Variants in C19orf25 observed in about 807,000 individuals in gnomAD.
C19orf25 encodes the protein chromosome 19 open reading frame 25, also known as UPF0449 protein C19orf25.
Under a neutral mutation model 3.1 loss-of-function variants are expected in C19orf25, and 1 was observed. The observed-to-expected ratio is 0.32, with a 90% CI of 0.12 to 1.54. The LOEUF (loss-of-function observed/expected upper bound fraction) is 1.54, where lower values mean the gene tolerates loss of function less well. Ranked by LOEUF, C19orf25 falls within the 40% of genes most tolerant of loss-of-function variation. C19orf25 has a pLI of 0.38. For missense variants in C19orf25, 196 were observed against 160.4 expected, an observed-to-expected ratio of 1.22 and a Z score of -1.20; for synonymous variants, 91 against 74.3, an observed-to-expected ratio of 1.23 and a Z score of -1.16.
intron 2 of C19orf25, among the ~76,000 whole-genome samples, chr19:1,477,978 T>G (rs954769651): frequency 6.6e-6 from 1 of 152,104 alleles, no homozygotes; most frequent in Non-Finnish European, 1.5e-5. Context: ...TGGCTGGGAT[T>G]ACAGGCCCAT....
chr19:1,478,754 C>G lies in C19orf25; in HGVS notation c.130+20G>C. On this transcript the variant is annotated intron_variant, in intron 2 of 2. Transcript: ENST00000585675. ...CCGGGGTCTCAGGTCCGCTTTTCCC[C>G]GGGACCGGGCTCCCCCTACCTTCCG... 6.4e-7 allele frequency: 1 copy of G among 1,551,954 alleles called. No individual in the cohort carries two copies. Among genetic ancestry groups the G allele is most frequent in the Non-Finnish European group, 8.7e-7 (1 of 1,147,676 alleles).
rs757174373 is a variant in C19orf25 at position 1,478,692 on chromosome 19, G to A, written c.130+82C>T. Reference sequence around the variant, plus strand: ...CGGGGGTTCCCAGGGCGTGGGGTCAGGAGTTAGGGGTGTGCTTCTCTCCCG... The same window carrying A: ...CGGGGGTTCCCAGGGCGTGGGGTCAAGAGTTAGGGGTGTGCTTCTCTCCCG... On this transcript the variant is annotated intron_variant, in intron 2 of 2. Coordinates refer to ENST00000585675, the MANE Select transcript of C19orf25 (RefSeq NM_152482.3). The A allele has an allele frequency of 5.2e-6, 8 of 1,524,036 alleles. No homozygotes were observed. In the East Asian group the frequency reaches 7.5e-5, roughly 14 times the overall value. 94.4% of individuals were successfully genotyped at this position (1,524,036 alleles called of 1,614,324 possible). A position where few individuals can be genotyped will look rare whatever the true frequency, so the allele number is the denominator to read the frequency against.
Position 1,478,870 on chromosome 19 carries a change from G to A in C19orf25, c.34C>T (p.Pro12Ser). The A allele has an allele frequency of 1.3e-6, 2 of 1,593,756 alleles. No homozygotes were observed. The highest frequency in any genetic ancestry group is 1.7e-6 in the Non-Finnish European group (2 of 1,172,362). ...GSKAKKRVLLPTRPAPPTVEQ... is the reference protein window; with the variant it reads ...GSKAKKRVLLSTRPAPPTVEQ... ...ACCGTGGGGGGCGCTGGGCGGGTGG[G>A]CAGCAGCACGCGCTTCTTTGCCTTG... The change falls in exon 2 of 3, where the codon CCC (proline) becomes TCC (serine). Residue 12 changes from proline (P) to serine (S), a missense_variant. Pro to Ser is a moderately conservative substitution (Grantham distance 74). Coordinates refer to ENST00000585675, the MANE Select transcript of C19orf25 (RefSeq NM_152482.3).
At position 1,475,035 on chromosome 19, in the gene C19orf25, G is replaced by A. The variant is rs745561514; in HGVS notation, c.354C>T (p.Gly118=). 1.9e-6 allele frequency: 3 copies of A among 1,586,954 alleles called. No individual in the cohort carries two copies. In the African/African-American group the frequency reaches 4.0e-5, roughly 21 times the overall value. Residue 118 remains glycine, a synonymous_variant, in exon 3 of 3, where the codon GGC becomes GGT. Coordinates refer to ENST00000585675, the MANE Select transcript of C19orf25 (RefSeq NM_152482.3). Reference sequence around the variant, plus strand: ...CAAGCCTGCAGGCCCCGAGAGGTCAGCCTGAGGAGGCAGCCTCGGCTGCCG... The same window carrying A: ...CAAGCCTGCAGGCCCCGAGAGGTCAACCTGAGGAGGCAGCCTCGGCTGCCG... ...ALPAAEAASS[G]
chr19:1,477,900 C>T (rs969179982), intron 2 of C19orf25, among the ~76,000 whole-genome samples: 21 of 151,676 alleles, frequency 1.4e-4, no homozygotes, highest in Non-Finnish European at 2.9e-5. Flanking sequence ...AGTGCAGTTG[C>T]GTGATCTCAG....
intron 2 of C19orf25, chr19:1,475,986 C>T (rs748386725): frequency 4.1e-5 from 16 of 388,204 alleles, no homozygotes; most frequent in East Asian, 7.3e-5. Flanking sequence ...AGCCCGCCAC[C>T]GAAAACCTCT....
At chr19:1,479,020 G>GCCCCC in intron 1 of C19orf25, 115 bp from the exon 2 acceptor site, 1 of 1,396,772 alleles carries the variant, frequency 7.2e-7, no homozygotes, top group Non-Finnish European at 9.3e-7. Flanking sequence ...TCCCGGGGAA[G>GCCCCC]CCCGCCCTGT....
chr19:1,478,769 C>A lies in C19orf25; in HGVS notation c.130+5G>T. On this transcript the variant is annotated splice_donor_5th_base_variant and intron_variant, in intron 2 of 2. Coordinates refer to ENST00000585675, the MANE Select transcript of C19orf25 (RefSeq NM_152482.3). ...CGCTTTTCCCCGGGACCGGGCTCCC[C>A]CTACCTTCCGGGGCCAGGATGGTGA... is the stretch of plus-strand genomic sequence containing the variant. 1 of 1,566,492 alleles carries A rather than the reference C, an allele frequency of 6.4e-7. No homozygotes were observed. Among genetic ancestry groups the A allele is most frequent in the Non-Finnish European group, 8.6e-7 (1 of 1,156,078 alleles).
chr19:1,474,661 C>CA lies in C19orf25; in HGVS notation c.*370dup, dbSNP rs1183028954. 1.8e-5 allele frequency: 12 copies of CA among 678,338 alleles called. No individual in the cohort carries two copies. Among genetic ancestry groups the CA allele is most frequent in the Non-Finnish European group, 2.8e-5 (12 of 431,074 alleles). 42.0% of individuals were successfully genotyped at this position (678,338 alleles called of 1,614,324 possible). On this transcript the variant is annotated 3_prime_UTR_variant, in exon 3 of 3. Transcript: ENST00000585675. Reference sequence around the variant, plus strand: ...ACACCTCGATCCCAACACCTGGACTCAGAAGTGGACAGGCGAGTGCCTGCC... The same window carrying CA: ...ACACCTCGATCCCAACACCTGGACTCAAGAAGTGGACAGGCGAGTGCCTGCC...
At chr19:1,478,928 T>G in intron 1 of C19orf25, 23 bp from the exon 2 acceptor site, 1 of 1,573,276 alleles carries the variant, frequency 6.4e-7, no homozygotes, top group Non-Finnish European at 8.6e-7. Context: ...AAGGGGGCGC[T>G]GACCGGGGCG....
intron 2 of C19orf25, among the ~76,000 whole-genome samples, chr19:1,477,359 T>C (rs1433003747): frequency 6.6e-6 from 1 of 152,210 alleles, no homozygotes; most frequent in East Asian, 1.9e-4. Flanking sequence ...GACATTCTTG[T>C]TTCTTTTGTT....
chr19:1,475,559 C>T lies in C19orf25; in HGVS notation c.131-301G>A, dbSNP rs528160264. On this transcript the variant is annotated intron_variant, in intron 2 of 2. Transcript: ENST00000585675. ...CAAAAATTAGCTGGGCGTGGTAGCA[C>T]GCATCTGTGGTCCCTACTTCTCTGG... 16 of 366,040 alleles carry T rather than the reference C, an allele frequency of 4.4e-5. No individual in the cohort carries two copies. The South Asian group carries it at 4.9e-4, about 11-fold the overall frequency. The allele number at this position is 366,040 out of a possible 1,614,324, so 22.7% of individuals were successfully genotyped here.
chr19:1,475,595 A>G (rs2145286872), intron 2 of C19orf25: 1 of 272,854 alleles, frequency 3.7e-6, no homozygotes, highest in Admixed American at 4.7e-5. Flanking sequence ...AGGCAGAGGC[A>G]GGAGGATCGC....
intron 2 of C19orf25, 198 bp from the exon 3 acceptor site, chr19:1,475,456 G>A: frequency 3.4e-6 from 2 of 589,132 alleles, no homozygotes; most frequent in South Asian, 4.4e-5. Context: ...CGAGGCGGGA[G>A]GAACACTTGA....
In C19orf25 at chr19:1,474,110, C is replaced by T. The variant is rs1199380203; in HGVS notation, c.*922G>A. 6.6e-6 allele frequency: 1 copy of T among 152,128 alleles called. No homozygotes were observed. Among genetic ancestry groups the T allele is most frequent in the Non-Finnish European group, 1.5e-5 (1 of 68,050 alleles). 9.4% of individuals were successfully genotyped at this position (152,128 alleles called of 1,614,324 possible). ...GGTTCCCGGGGTCGCCGGTACCCAT[C>T]CCTCCCCAGCTTCCGGGGCCCCGGG... On this transcript the variant is annotated 3_prime_UTR_variant, in exon 3 of 3. Transcript: ENST00000585675.
chr19:1,477,532 G>A (rs1428916619), intron 2 of C19orf25, among the ~76,000 whole-genome samples: 4 of 152,192 alleles, frequency 2.6e-5, no homozygotes, highest in Admixed American at 2.0e-4. Context: ...TCGTAAATCA[G>A]GAGTGGACAA....
At chr19:1,475,604 G>A (rs1203819378) in intron 2 of C19orf25, 11 of 258,568 alleles carry the variant, frequency 4.3e-5, no homozygotes, top group African/African-American at 2.0e-4. Context: ...CAGGAGGATC[G>A]CTTGAGACTG....
chr19:1,476,547 C>T (rs950609858), intron 2 of C19orf25: 6 of 364,366 alleles, frequency 1.6e-5, no homozygotes, highest in East Asian at 3.9e-5. Flanking sequence ...CCAGATGATG[C>T]GCACACCTCC....
Position 1,475,044 on chromosome 19 carries a change from G to C in C19orf25, c.345C>G (p.Ala115=). ...AGGCCCCGAGAGGTCAGCCTGAGGA[G>C]GCAGCCTCGGCTGCCGGTAATGCTG... is the stretch of plus-strand genomic sequence containing the variant. ...KQAALPAAEA[A]SSG The change falls in exon 3 of 3, where the codon GCC becomes GCG. Residue 115 remains alanine, a synonymous_variant. Transcript: ENST00000585675. 6.3e-7 allele frequency: 1 copy of C among 1,592,498 alleles called. No homozygotes were observed. The highest frequency in any genetic ancestry group is 8.5e-7 in the Non-Finnish European group (1 of 1,172,080).
Sources: allele counts gnomAD v4.1 joint callset (sites outside exome capture counted in the v4.1 genomes callset), GRCh38; gene constraint gnomAD v4.1.1; transcripts MANE v1.5; gene names NCBI Gene and HGNC (gene_info 2026-07-23, HGNC 2026-07-21).